DLG2: variants seen among roughly 807,000 people sequenced by gnomAD.
DLG2 encodes the protein discs large MAGUK scaffold protein 2, also known as disks large homolog 2.
A neutral mutation model predicts 132.5 loss-of-function variants in DLG2; 45 were observed. The ratio of observed to expected loss-of-function variants is 0.34; its 90% CI spans 0.27 to 0.44. The LOEUF is 0.44. Among genes scored for constraint, DLG2 ranks in the 20% least tolerant of loss-of-function variants. DLG2 has a pLI of 1.00. For synonymous variants in DLG2, 424 were observed against 419.6 expected (o/e 1.01, Z -0.13); for missense variants, 1,045 against 1,196.9 (o/e 0.87, Z 1.87).
intron 6 of DLG2, among the ~76,000 whole-genome samples, chr11:85,047,677 T>G (rs1034583474): frequency 2.6e-5 from 4 of 151,880 alleles, no homozygotes; most frequent in Non-Finnish European, 5.9e-5. Context: ...GTCAAAGTAC[T>G]TGGTAAATGA....
intron 8 of DLG2, among the ~76,000 whole-genome samples, chr11:84,231,435 A>C (rs976413996): frequency 6.6e-6 from 1 of 152,174 alleles, no homozygotes; most frequent in African/African-American, 2.4e-5. Flanking sequence ...ATACAACTAC[A>C]GAAATGGGGA....
At chr11:84,981,751 C>T (rs1190808205) in intron 6 of DLG2, among the ~76,000 whole-genome samples, 1 of 152,058 alleles carries the variant, frequency 6.6e-6, no homozygotes, top group Non-Finnish European at 1.5e-5. Context: ...TACTGCCCTG[C>T]CTCTCTCCTC....
In DLG2 at chr11:84,161,175, T is replaced by C. The variant is rs1170477156; in HGVS notation, c.624+2286A>G. ...TTAACCAGCGTAAGCTAACTTGGAC[T>C]GGGGTTTTGCTGGATGAGCACAAAA... On this transcript the variant is annotated intron_variant, in intron 9 of 27. Transcript: ENST00000376104. Among the ~76,000 whole-genome samples, 4 of 151,942 alleles carry C rather than the reference T, an allele frequency of 2.6e-5. No individual in the cohort carries two copies. The East Asian group carries it at 7.7e-4, about 29-fold the overall frequency.
At chr11:84,656,283 C>A (rs2099688131) in intron 6 of DLG2, among the ~76,000 whole-genome samples, 1 of 152,100 alleles carries the variant, frequency 6.6e-6, no homozygotes, top group Admixed American at 6.6e-5. Flanking sequence ...AGAAATATAT[C>A]CAACATCTGT....
intron 5 of DLG2, among the ~76,000 whole-genome samples, chr11:85,120,474 C>T (rs2074168047): frequency 6.6e-6 from 1 of 151,828 alleles, no homozygotes; most frequent in Admixed American, 6.6e-5. Flanking sequence ...GTTTATTTTG[C>T]TTAAAATGTA....
At chr11:84,508,794 C>T (rs1390838088) in intron 7 of DLG2, among the ~76,000 whole-genome samples, 2 of 152,162 alleles carry the variant, frequency 1.3e-5, no homozygotes, top group Non-Finnish European at 2.9e-5. Context: ...TCTGTCTACT[C>T]TCACTTGAAT....
chr11:85,425,948 GC>G (rs770308867), intron 3 of DLG2, among the ~76,000 whole-genome samples: 1 of 152,220 alleles, frequency 6.6e-6, no homozygotes, highest in Non-Finnish European at 1.5e-5. Context: ...CTAATACTGT[GC>G]TTTTCCAACG....
chr11:85,420,872 T>C (rs1345139568), intron 3 of DLG2, among the ~76,000 whole-genome samples: 8 of 152,214 alleles, frequency 5.3e-5, no homozygotes, highest in Non-Finnish European at 7.3e-5. Flanking sequence ...CTTGCTGGGC[T>C]CCCTGGCCGC....
chr11:84,298,257 T>A (rs1394715670), intron 7 of DLG2, among the ~76,000 whole-genome samples: 3 of 152,224 alleles, frequency 2.0e-5, no homozygotes, highest in Non-Finnish European at 4.4e-5. Flanking sequence ...TTTCCATTCA[T>A]GTGAAAATTA....
chr11:84,018,303 A>G (rs2095280126), intron 11 of DLG2, among the ~76,000 whole-genome samples: 2 of 151,932 alleles, frequency 1.3e-5, no homozygotes, highest in Non-Finnish European at 2.9e-5. Flanking sequence ...ACTTTTAATA[A>G]TAGTCATAAT....
At chr11:83,875,857 C>T (rs918564240) in intron 15 of DLG2, among the ~76,000 whole-genome samples, 1 of 152,078 alleles carries the variant, frequency 6.6e-6, no homozygotes, top group African/African-American at 2.4e-5. Context: ...AGGTGTTTTC[C>T]TGTGACACGT....
chr11:85,415,578 T>G (rs1447651732), intron 3 of DLG2, among the ~76,000 whole-genome samples: 2 of 152,224 alleles, frequency 1.3e-5, no homozygotes, highest in Non-Finnish European at 2.9e-5. Flanking sequence ...GGTTTCTCAT[T>G]GCGATTTTGA....
At chr11:84,259,250 G>T (rs2097521963) in intron 7 of DLG2, among the ~76,000 whole-genome samples, 2 of 148,206 alleles carry the variant, frequency 1.3e-5, no homozygotes, top group African/African-American at 5.0e-5. Flanking sequence ...CCAGCCTGGG[G>T]AGACTGTGTC....
At chr11:85,377,661 T>C (rs924036367) in intron 3 of DLG2, among the ~76,000 whole-genome samples, 7 of 151,962 alleles carry the variant, frequency 4.6e-5, no homozygotes, top group Non-Finnish European at 5.9e-5. Context: ...GTTTCCTTAA[T>C]AATTGGACTC....
At chr11:83,838,887 G>C (rs2056900144) in intron 16 of DLG2, among the ~76,000 whole-genome samples, 2 of 152,068 alleles carry the variant, frequency 1.3e-5, no homozygotes, top group African/African-American at 2.4e-5. Context: ...GAAAATGAAA[G>C]CTTTATGGAG....
At chr11:83,886,540 G>T (rs2067952778) in intron 15 of DLG2, among the ~76,000 whole-genome samples, 1 of 152,254 alleles carries the variant, frequency 6.6e-6, no homozygotes, top group Admixed American at 6.5e-5. Flanking sequence ...ACAGATGAAT[G>T]AGACAGAAAG....
At chr11:84,502,318 C>CT (rs1291685980) in intron 7 of DLG2, among the ~76,000 whole-genome samples, 1 of 9,200 alleles carries the variant, frequency 1.1e-4, no homozygotes, top group African/African-American at 7.9e-4. Flanking sequence ...TTCTTTCTTT[C>CT]TTTCTTTCTT....
intron 6 of DLG2, among the ~76,000 whole-genome samples, chr11:84,705,043 T>G (rs1276111457): frequency 2.6e-5 from 4 of 151,580 alleles, no homozygotes; most frequent in Non-Finnish European, 4.4e-5. Flanking sequence ...AAGAACAAAC[T>G]TTTTAGCTGG....
chr11:85,029,454 A>G (rs993514559), intron 6 of DLG2, among the ~76,000 whole-genome samples: 11 of 152,246 alleles, frequency 7.2e-5, no homozygotes, highest in African/African-American at 2.2e-4. Flanking sequence ...GGGTGCTAAG[A>G]TAACAGTTGT....
Sources: gnomAD v4.1 joint callset for allele counts (sites outside exome capture counted in the v4.1 genomes callset) on GRCh38, gnomAD v4.1.1 for gene constraint, MANE v1.5 for transcripts, NCBI Gene and HGNC (gene_info 2026-07-23, HGNC 2026-07-21) for gene names.